Variants in TCEAL4 observed in about 807,000 individuals in gnomAD.
TCEAL4 encodes transcription elongation factor A protein-like 4.
A neutral mutation model predicts 1.3 loss-of-function variants in TCEAL4; 1 was observed. That is an observed-to-expected ratio of 0.79 (90% CI 0.28 to 3.76). The LOEUF is 3.76. TCEAL4 is among the 30% of genes most tolerant of loss of function. The probability of loss-of-function intolerance (pLI) is 0.18; values close to 1 mark genes in which losing one functional copy is unlikely to be tolerated. For missense variants in TCEAL4, 129 were observed against 154.7 expected, an observed-to-expected ratio of 0.83 and a Z score of 0.88; for synonymous variants, 54 against 50.7, an observed-to-expected ratio of 1.06 and a Z score of -0.28.
At chrX:103,583,487 A>G (rs1272769389), upstream of TCEAL4, among the ~76,000 whole-genome samples, 1 of 112,631 alleles carries the variant, frequency 8.9e-6, no homozygotes, top group Non-Finnish European at 1.9e-5. Context: ...GATAGACTAG[A>G]TAAAGAAAAT....
intron 2 of TCEAL4, chrX:103,577,293 T>G: frequency 1.4e-5 from 15 of 1,038,158 alleles, no homozygotes; most frequent in Non-Finnish European, 1.9e-5. Context: ...ACATTTCTAA[T>G]GCTAATCAAT....
In TCEAL4 at chrX:103,578,653, A is replaced by G. The variant is rs985166434; in HGVS notation, c.183+1440A>G. The stretch of plus-strand genomic sequence containing the variant: ...ATTTGTATATTTTCTTTGGAGAAAT[A>G]CCTATTCAGATCCTTTGCCCATTTT... On this transcript the variant is annotated intron_variant, in intron 2 of 4. Transcript: ENST00000372629. Among the ~76,000 whole-genome samples the G allele has an allele frequency of 5.4e-5, 6 of 111,919 alleles. No individual in the cohort carries two copies. In the Admixed American group the frequency reaches 5.7e-4, roughly 11 times the overall value.
upstream of TCEAL4, among the ~76,000 whole-genome samples, chrX:103,580,817 C>T (rs896672195): frequency 9.0e-6 from 1 of 111,112 alleles, no homozygotes; most frequent in African/African-American, 3.3e-5. Context: ...AACCTAACAT[C>T]ACAACTAAAA....
chrX:103,581,807 G>T (rs1056528482), upstream of TCEAL4, among the ~76,000 whole-genome samples: 1 of 111,763 alleles, frequency 8.9e-6, no homozygotes. Flanking sequence ...GCAAAAGCTG[G>T]AGGCATTCCC....
In TCEAL4 at chrX:103,585,625, G is replaced by C; in HGVS notation, c.-101+1G>C. 8.6e-7 allele frequency: 1 copy of C among 1,165,536 alleles called. No individual in the cohort carries two copies. Among genetic ancestry groups the C allele is most frequent in the Non-Finnish European group, 1.1e-6 (1 of 872,549 alleles). ...TAATTCTTGGTCCAGCTTCTTCCAG[G>C]TCAGTGTGCGGGCCTTCCACGCTGC... On this transcript the variant is annotated splice_donor_variant, in intron 1 of 2. Transcript: ENST00000472484. LOFTEE classifies it low-confidence loss of function (5UTR_SPLICE).
At chrX:103,577,243 A>G (rs1603157056) in intron 2 of TCEAL4, 2 of 1,146,671 alleles carry the variant, frequency 1.7e-6, no homozygotes, top group East Asian at 3.3e-5. Context: ...ATGCATATAG[A>G]TATTCAATAG....
At chrX:103,585,315 C>T (rs181499914), upstream of TCEAL4, among the ~76,000 whole-genome samples, 1 of 99,845 alleles carries the variant, frequency 1.0e-5, no homozygotes, top group African/African-American at 3.5e-5. Flanking sequence ...TCTTCTGGAC[C>T]GCCCAACTCA....
At chrX:103,581,765 G>A (rs2073509334), upstream of TCEAL4, among the ~76,000 whole-genome samples, 1 of 111,664 alleles carries the variant, frequency 9.0e-6, no homozygotes, top group African/African-American at 3.3e-5. Context: ...ATCCGTATAT[G>A]ACAAACCCAC....
Position 103,585,663 on chromosome X carries a change from G to A in TCEAL4, c.-101+39G>A, listed in dbSNP as rs780630786. On this transcript the variant is annotated intron_variant, in intron 1 of 2. Coordinates refer to ENST00000472484, the MANE Select transcript of TCEAL4 (RefSeq NM_001006935.3). ...CCTTCCACGCTGCCAGCGGAACACT[G>A]GAATGGCGGAAGGGGAACGGGTACG... is the stretch of plus-strand genomic sequence containing the variant. 20 of 1,162,196 alleles carry A rather than the reference G, an allele frequency of 1.7e-5. No homozygotes were observed. The South Asian group carries it at 3.6e-4, about 21-fold the overall frequency.
At chrX:103,585,310 T>C (rs1029089570), upstream of TCEAL4, among the ~76,000 whole-genome samples, 7 of 103,158 alleles carry the variant, frequency 6.8e-5, no homozygotes, top group African/African-American at 2.4e-4. Context: ...ACTCCTCTTC[T>C]GGACCGCCCA....
chrX:103,586,410 A>G, intron 2 of TCEAL4, 119 bp downstream of exon 2: 1 of 920,185 alleles, frequency 1.1e-6, no homozygotes, highest in Non-Finnish European at 1.5e-6. Flanking sequence ...CACACACCTT[A>G]CCAGGCTGAA....
chrX:103,576,539 A>G, intron 1 of TCEAL4: 2 of 1,000,430 alleles, frequency 2.0e-6, no homozygotes, highest in South Asian at 2.1e-5. Flanking sequence ...CAGGGTGAGT[A>G]GATCACCTGA....
In TCEAL4 at chrX:103,586,692, G is replaced by A. The variant is rs1198944085; in HGVS notation, c.17G>A (p.Ser6Asn). 2 of 1,210,988 alleles carry A rather than the reference G, an allele frequency of 1.7e-6. No individual in the cohort carries two copies. The highest frequency in any genetic ancestry group is 2.2e-5 in the Admixed American group (1 of 45,806). Residue 6 changes from serine (S) to asparagine (N), a missense_variant, in exon 3 of 3, where the codon AGT becomes AAT. By Grantham distance (46) the Ser-to-Asn change is conservative (BLOSUM62 1). Transcript: ENST00000472484. ...AATCTCGACATGGAAAAACTCTACA[G>A]TGAAAATGAAGGAATGGCTTCAAAC... MEKLY[S>N]ENEGMASNQG...
Position 103,587,504 on chromosome X carries a change from A to G in TCEAL4, c.*181A>G. 2.1e-6 allele frequency: 1 copy of G among 474,175 alleles called. No homozygotes were observed. Among genetic ancestry groups the G allele is most frequent in the Non-Finnish European group, 3.2e-6 (1 of 308,130 alleles). 39.1% of individuals were successfully genotyped at this position (474,175 alleles called of 1,213,427 possible). Reference sequence around the variant, plus strand: ...GTGCATTGTAAAATTAAAAAACACAACTTGCAGAACCAAATATATGGCATC... The same window carrying G: ...GTGCATTGTAAAATTAAAAAACACAGCTTGCAGAACCAAATATATGGCATC... On this transcript the variant is annotated 3_prime_UTR_variant, in exon 3 of 3. Coordinates refer to ENST00000472484, the MANE Select transcript of TCEAL4 (RefSeq NM_001006935.3).
upstream of TCEAL4, among the ~76,000 whole-genome samples, chrX:103,585,102 T>C (rs2073528681): frequency 8.9e-6 from 1 of 112,772 alleles, no homozygotes; most frequent in Non-Finnish European, 1.9e-5. Context: ...AATATAACTT[T>C]ATTTTTTATT....
At chrX:103,583,564 C>T (rs1476509576), upstream of TCEAL4, among the ~76,000 whole-genome samples, 1 of 112,116 alleles carries the variant, frequency 8.9e-6, no homozygotes, top group Non-Finnish European at 1.9e-5. Context: ...CTTTTGCAGG[C>T]ACATGGATGG....
Position 103,586,294 on chromosome X carries a change from C to G in TCEAL4, c.-28+3C>G, listed in dbSNP as rs1323713803. 1 of 1,166,418 alleles carries G rather than the reference C, an allele frequency of 8.6e-7. No homozygotes were observed. ...CAACCTGTCCAGAATCCCCGCAGGT[C>G]CGTGAAAGTACGGGGCTGCATGGAC... On this transcript the variant is annotated splice_donor_region_variant and intron_variant, in intron 2 of 2. Transcript: ENST00000472484.
At chrX:103,586,108 G>A (rs2073542845) in intron 1 of TCEAL4, 111 bp from the exon 2 acceptor site, 1 of 1,109,582 alleles carries the variant, frequency 9.0e-7, no homozygotes, top group African/African-American at 1.9e-5. Context: ...TGCGGCGGAG[G>A]TAGGGGAGGA....
rs1401231547 is a variant in TCEAL4 at position 103,576,969 on chromosome X, C to T, written c.64-125C>T. The T allele has an allele frequency of 3.6e-6, 3 of 833,062 alleles. No individual in the cohort carries two copies. The African/African-American group carries it at 6.2e-5, about 17-fold the overall frequency. 68.7% of individuals were successfully genotyped at this position (833,062 alleles called of 1,213,427 possible). On this transcript the variant is annotated intron_variant, in intron 1 of 4. Transcript: ENST00000372629. ...CAGGGTAGGAAGAATTGTTACATGG[C>T]AGCTGCTTCTCCAAGAGTGAATATT...
Sources: allele counts gnomAD v4.1 joint callset (sites outside exome capture counted in the v4.1 genomes callset), GRCh38; gene constraint gnomAD v4.1.1; transcripts MANE v1.5; gene names NCBI Gene and HGNC (gene_info 2026-07-23, HGNC 2026-07-21).